PAXBP1: variants seen among roughly 807,000 people sequenced by gnomAD.
PAXBP1 encodes the protein PAX3- and PAX7-binding protein 1.
In PAXBP1, 44 loss-of-function variants were observed where a neutral mutation model predicts 119.9. The ratio of observed to expected loss-of-function variants is 0.37; its 90% CI spans 0.29 to 0.47. The LOEUF (loss-of-function observed/expected upper bound fraction) is 0.47. Ranked by LOEUF, PAXBP1 falls within the 20% of genes least tolerant of loss-of-function variation. The pLI is 0.99. For synonymous variants in PAXBP1, 393 were observed against 406.6 expected (o/e 0.97, Z 0.40); for missense variants, 898 against 1,134.1 (o/e 0.79, Z 2.99).
At position 32,751,144 on chromosome 21, in the gene PAXBP1, G is replaced by T. The variant is rs1186165200; in HGVS notation, c.1582C>A (p.Arg528Ser). The T allele has an allele frequency of 1.2e-6, 2 of 1,613,856 alleles. No individual in the cohort carries two copies. The highest frequency in any genetic ancestry group is 1.1e-5 in the South Asian group (1 of 91,048). Residue 528 changes from arginine to serine, a missense_variant, in exon 9 of 18, where the codon CGC becomes AGC. This residue lies in a region of PAXBP1 where 599 missense variants were observed against 852.7 expected (regional missense o/e 0.70). Transcript: ENST00000331923. ...RALYQEHAKR[R>S]IAEREARRTR... ...CTCCTGGCCTCCCGCTCTGCAATGC[G>T]ACGTTTTGCATGCTCTTGATACAGT...
intron 11 of PAXBP1, among the ~76,000 whole-genome samples, chr21:32,746,841 C>A (rs1382473114): frequency 6.6e-6 from 1 of 152,096 alleles, no homozygotes; most frequent in Non-Finnish European, 1.5e-5. Flanking sequence ...AACCCAAATG[C>A]CCATCAATTA....
rs774525896 is a variant in PAXBP1 at position 32,760,014 on chromosome 21, T to C, written c.976-20A>G. On this transcript the variant is annotated intron_variant, in intron 5 of 17. Transcript: ENST00000331923. ...TTGAACCTAGAAAAGAAATGGGATA[T>C]AGATGAAATCTGGTAGTTAAAACTT... The C allele has an allele frequency of 1.9e-6, 3 of 1,580,748 alleles. No homozygotes were observed. The highest frequency in any genetic ancestry group is 1.4e-5 in the African/African-American group (1 of 73,952).
At chr21:32,751,501 C>T in intron 8 of PAXBP1, 1 of 265,916 alleles carries the variant, frequency 3.8e-6, no homozygotes, top group South Asian at 5.2e-5. Flanking sequence ...GTCTAAGTAA[C>T]AGGACAGCTA....
intron 11 of PAXBP1, among the ~76,000 whole-genome samples, chr21:32,746,296 G>A (rs528531330): frequency 4.6e-5 from 7 of 152,046 alleles, no homozygotes; most frequent in East Asian, 1.9e-4. Context: ...GAGCTTCTAC[G>A]CAGCAAAAGA....
chr21:32,750,265 G>A (rs1442414754), intron 10 of PAXBP1, among the ~76,000 whole-genome samples: 3 of 152,192 alleles, frequency 2.0e-5, no homozygotes. Context: ...TGTATAAAGA[G>A]CCAGGCAAAC....
chr21:32,767,348 G>T (rs1420664822), intron 2 of PAXBP1, among the ~76,000 whole-genome samples: 1 of 152,062 alleles, frequency 6.6e-6, no homozygotes, highest in Non-Finnish European at 1.5e-5. Flanking sequence ...ATCAGACTCC[G>T]CCTTCAGAGG....
rs1483875511 is a variant in PAXBP1 at position 32,755,381 on chromosome 21, A to G, written c.1384-28T>C. The stretch of plus-strand genomic sequence containing the variant: ...GTAAAAATACAACACACTCCGTAAC[A>G]CCAAACTCCTCAGCTGCTTATTTAT... On this transcript the variant is annotated intron_variant, in intron 7 of 17. Coordinates refer to ENST00000331923, the MANE Select transcript of PAXBP1 (RefSeq NM_016631.4). The G allele has an allele frequency of 2.5e-6, 4 of 1,599,886 alleles. No homozygotes were observed. The African/African-American group carries it at 5.4e-5, about 22-fold the overall frequency.
chr21:32,745,596 C>G lies in PAXBP1; in HGVS notation c.2046G>C (p.Lys682Asn). The change falls in exon 12 of 18, where the codon AAG (lysine) becomes AAC (asparagine). Residue 682 changes from lysine to asparagine, a missense_variant. This residue lies in a region of PAXBP1 where 599 missense variants were observed against 852.7 expected (regional missense o/e 0.70). Transcript: ENST00000331923. The part of the protein sequence containing the change: ...DVALLPTIVE[K>N]VILPKLTVIA... The stretch of plus-strand genomic sequence containing the variant: ...TACCTGTTAGTTTAGGAAGAATCAC[C>G]TTTTCCACAATGGTAGGTAGTAGGG... 6.2e-7 allele frequency: 1 copy of G among 1,613,996 alleles called. No individual in the cohort carries two copies.
chr21:32,755,545 A>G (rs2044030549), intron 7 of PAXBP1, 192 bp from the exon 8 acceptor site: 1 of 574,688 alleles, frequency 1.7e-6, no homozygotes, highest in Non-Finnish European at 2.9e-6. Context: ...TAATCCATGC[A>G]TAGAGCTATA....
chr21:32,743,889 C>T (rs1472182244), intron 13 of PAXBP1, 135 bp from the exon 14 acceptor site: 3 of 571,192 alleles, frequency 5.3e-6, no homozygotes, highest in Non-Finnish European at 6.2e-6. Flanking sequence ...TCATTGAAGA[C>T]CCTAAAGTAA....
In PAXBP1 at chr21:32,759,931, A is replaced by G; in HGVS notation, c.1039T>C (p.Tyr347His). The G allele has an allele frequency of 6.2e-7, 1 of 1,614,138 alleles. No individual in the cohort carries two copies. The highest frequency in any genetic ancestry group is 8.5e-7 in the Non-Finnish European group (1 of 1,179,956). The change falls in exon 6 of 18, where the codon TAC (tyrosine) becomes CAC (histidine). Residue 347 changes from tyrosine to histidine, a missense_variant. Tyr to His is a moderately conservative substitution (Grantham distance 83). This residue lies in a region of PAXBP1 where 599 missense variants were observed against 852.7 expected (regional missense o/e 0.70). Transcript: ENST00000331923. Reference sequence around the variant, plus strand: ...TAAGGAATGCCATAGGATGAGCCGTAAGGCATTGTCTGGTAAGTGTTCTGG... The same window carrying G: ...TAAGGAATGCCATAGGATGAGCCGTGAGGCATTGTCTGGTAAGTGTTCTGG... Reference protein sequence around the residue: ...YYQNTYQTMPYGSSYGIPYSY... With the variant: ...YYQNTYQTMPHGSSYGIPYSY...
At chr21:32,735,123 T>A (rs1353225109) in intron 17 of PAXBP1, 56 bp from the exon 18 acceptor site, 1 of 1,224,136 alleles carries the variant, frequency 8.2e-7, no homozygotes, top group East Asian at 2.4e-5. Context: ...AGAGAAAATT[T>A]GCTACTGATT....
At chr21:32,768,257 T>C (rs1895631164) in intron 2 of PAXBP1, among the ~76,000 whole-genome samples, 1 of 152,208 alleles carries the variant, frequency 6.6e-6, no homozygotes, top group Non-Finnish European at 1.5e-5. Context: ...TAAAGGCCCT[T>C]AGTAGATGCC....
intron 2 of PAXBP1, among the ~76,000 whole-genome samples, chr21:32,768,587 G>A (rs1387624479): frequency 6.6e-6 from 1 of 152,106 alleles, no homozygotes; most frequent in Non-Finnish European, 1.5e-5. Flanking sequence ...TCAACTGTGA[G>A]ACCTTTTTAA....
intron 17 of PAXBP1, among the ~76,000 whole-genome samples, chr21:32,735,830 A>G (rs535965233): frequency 2.2e-4 from 34 of 152,338 alleles, no homozygotes; most frequent in African/African-American, 8.2e-4. Flanking sequence ...ACATAATATG[A>G]CATTAGTAAT....
chr21:32,759,113 A>G lies in PAXBP1; in HGVS notation c.1350T>C (p.Tyr450=). The change falls in exon 7 of 18, where the codon TAT becomes TAC. Residue 450 remains tyrosine (Y), a synonymous_variant. Transcript: ENST00000331923. ...TGAAACACTCAAGCAAGTCTTGGAC[A>G]TACCCTCGCATTTCTTGCAAAAATT... is the stretch of plus-strand genomic sequence containing the variant. ...RYKFLQEMRG[Y]VQDLLECFSE... is the part of the protein sequence containing the mutation. 1 of 1,613,980 alleles carries G rather than the reference A, an allele frequency of 6.2e-7. No homozygotes were observed. Among genetic ancestry groups the G allele is most frequent in the Non-Finnish European group, 8.5e-7 (1 of 1,179,868 alleles).
chr21:32,752,726 G>A (rs1456394789), intron 8 of PAXBP1, among the ~76,000 whole-genome samples: 1 of 152,016 alleles, frequency 6.6e-6, no homozygotes, highest in Non-Finnish European at 1.5e-5. Flanking sequence ...TGCAACCTCC[G>A]CCGCCCAGGT....
At chr21:32,771,304 G>A (rs781042361) in intron 1 of PAXBP1, 22 bp downstream of exon 1, 2 of 1,565,764 alleles carry the variant, frequency 1.3e-6, no homozygotes, top group East Asian at 2.5e-5. Context: ...CCGTCTAAGG[G>A]CGTCCGAAGC....
At chr21:32,754,567 T>C (rs2044013197) in intron 8 of PAXBP1, among the ~76,000 whole-genome samples, 1 of 152,334 alleles carries the variant, frequency 6.6e-6, no homozygotes, top group East Asian at 1.9e-4. Flanking sequence ...CTAATTCTGG[T>C]TTTCCATAAC....
Sources: allele counts gnomAD v4.1 joint callset (sites outside exome capture counted in the v4.1 genomes callset), GRCh38; gene constraint gnomAD v4.1.1; regional missense constraint gnomAD v4.1.1; transcripts MANE v1.5; gene names NCBI Gene and HGNC (gene_info 2026-07-23, HGNC 2026-07-21).